The following LYPLAL1 variants were observed in gnomAD, a reference collection of about 807,000 sequenced individuals.
The protein encoded by LYPLAL1 is lysophospholipase-like protein 1.
In LYPLAL1, 23 loss-of-function variants were observed where a neutral mutation model predicts 19.7. The observed-to-expected ratio is 1.17, with a 90% CI of 0.84 to 1.65. The LOEUF is 1.65. Ranked by LOEUF, LYPLAL1 falls within the 40% of genes most tolerant of loss-of-function variation. The pLI is 0.00. For synonymous variants in LYPLAL1, 119 were observed against 96.3 expected (o/e 1.24, Z -1.38); for missense variants, 355 against 279.4 (o/e 1.27, Z -1.93).
At chr1:219,332,676 GA>G in the LYPLAL1 span, among the ~76,000 whole-genome samples, 3 of 151,938 alleles carry the variant, frequency 2.0e-5, no homozygotes, top group South Asian at 2.1e-4. Flanking sequence ...ATGATGAAGA[GA>G]AGACTTATTT....
chr1:219,184,500 A>C (rs1262355826), intron 2 of LYPLAL1, among the ~76,000 whole-genome samples: 1 of 151,916 alleles, frequency 6.6e-6, no homozygotes, highest in South Asian at 2.1e-4. Flanking sequence ...GTACAATGTT[A>C]AATAGAAGTG....
chr1:219,313,841 T>A, the LYPLAL1 span, among the ~76,000 whole-genome samples: 1 of 152,122 alleles, frequency 6.6e-6, no homozygotes, highest in Non-Finnish European at 1.5e-5. Flanking sequence ...GCCTTTAAAC[T>A]TTTATTTTAG....
intron 3 of LYPLAL1, among the ~76,000 whole-genome samples, chr1:219,208,514 C>T (rs1431414924): frequency 6.6e-6 from 1 of 151,772 alleles, no homozygotes; most frequent in African/African-American, 2.4e-5. Context: ...TCTAAAAATT[C>T]AGTTAAATTT....
chr1:219,233,568 G>A, the LYPLAL1 span, among the ~76,000 whole-genome samples: 1 of 152,164 alleles, frequency 6.6e-6, no homozygotes, highest in Non-Finnish European at 1.5e-5. Context: ...AGGAGTTCAA[G>A]ATCAACTTGG....
the LYPLAL1 span, among the ~76,000 whole-genome samples, chr1:219,252,549 T>C: frequency 6.6e-6 from 1 of 152,088 alleles, no homozygotes; most frequent in Non-Finnish European, 1.5e-5. Flanking sequence ...AAGCATGTGG[T>C]TTTTGTCTTT....
chr1:219,366,626 C>A, the LYPLAL1 span, among the ~76,000 whole-genome samples: 1 of 152,104 alleles, frequency 6.6e-6, no homozygotes, highest in Non-Finnish European at 1.5e-5. Context: ...AAAGCTTTAG[C>A]TGTGAAAACG....
chr1:219,232,088 C>T, the LYPLAL1 span, among the ~76,000 whole-genome samples: 1 of 152,128 alleles, frequency 6.6e-6, no homozygotes, highest in Non-Finnish European at 1.5e-5. Flanking sequence ...CATGTTTTCT[C>T]TTCAAATTCT....
chr1:219,384,494 A>G, the LYPLAL1 span, among the ~76,000 whole-genome samples: 1 of 152,198 alleles, frequency 6.6e-6, no homozygotes, highest in Admixed American at 6.5e-5. Flanking sequence ...CCCTCTGTTT[A>G]TATATTCTTG....
the LYPLAL1 span, among the ~76,000 whole-genome samples, chr1:219,220,325 A>G: frequency 1.8e-4 from 27 of 152,080 alleles, no homozygotes; most frequent in Non-Finnish European, 3.7e-4. Flanking sequence ...ATATCTGTTA[A>G]CCAGAATTAA....
chr1:219,281,972 A>G, the LYPLAL1 span, among the ~76,000 whole-genome samples: 3 of 152,190 alleles, frequency 2.0e-5, no homozygotes, highest in Admixed American at 6.5e-5. Context: ...TCTTACATGC[A>G]CTTGGACAGA....
At chr1:219,246,466 A>T in the LYPLAL1 span, among the ~76,000 whole-genome samples, 1 of 152,176 alleles carries the variant, frequency 6.6e-6, no homozygotes, top group Non-Finnish European at 1.5e-5. Context: ...GAAAAAAGAT[A>T]TTATTTACTG....
the LYPLAL1 span, among the ~76,000 whole-genome samples, chr1:219,385,762 C>T: frequency 7.9e-5 from 12 of 152,194 alleles, no homozygotes; most frequent in East Asian, 3.9e-4. Flanking sequence ...TGTAATTGCA[C>T]GCTGTAATTT....
the LYPLAL1 span, among the ~76,000 whole-genome samples, chr1:219,283,946 G>T: frequency 6.6e-6 from 1 of 152,158 alleles, no homozygotes; most frequent in African/African-American, 2.4e-5. Flanking sequence ...ATATGGTTTG[G>T]CTCTGTGTTC....
rs1208857246 is a variant in LYPLAL1 at position 219,211,837 on chromosome 1, C to G, written c.*109C>G. ...ATATTAAGAAATAACACTTTCCTGA[C>G]TTTTTTATTATTAAAATGCTTATCA... is the stretch of plus-strand genomic sequence containing the variant. On this transcript the variant is annotated 3_prime_UTR_variant, in exon 5 of 5. Coordinates refer to ENST00000366928, the MANE Select transcript of LYPLAL1 (RefSeq NM_138794.5). The G allele has an allele frequency of 1.4e-6, 1 of 697,278 alleles. No homozygotes were observed. Among genetic ancestry groups the G allele is most frequent in the African/African-American group, 1.8e-5 (1 of 55,200 alleles). 43.2% of individuals were successfully genotyped at this position (697,278 alleles called of 1,614,324 possible).
chr1:219,419,341 C>G, the LYPLAL1 span, among the ~76,000 whole-genome samples: 1 of 152,126 alleles, frequency 6.6e-6, no homozygotes, highest in South Asian at 2.1e-4. Flanking sequence ...CCTGTGCCAG[C>G]GATCAGGAGA....
chr1:219,311,073 T>C, the LYPLAL1 span, among the ~76,000 whole-genome samples: 1 of 152,188 alleles, frequency 6.6e-6, no homozygotes. Context: ...ACCCACCCTG[T>C]AGTCTTATTC....
chr1:219,220,226 C>T, the LYPLAL1 span, among the ~76,000 whole-genome samples: 4 of 152,116 alleles, frequency 2.6e-5, no homozygotes, highest in South Asian at 2.1e-4. Flanking sequence ...CCACATGGAC[C>T]GCTGTAGGGG....
chr1:219,300,779 C>G, the LYPLAL1 span, among the ~76,000 whole-genome samples: 1 of 152,000 alleles, frequency 6.6e-6, no homozygotes, highest in African/African-American at 2.4e-5. Context: ...TCGGGATCCG[C>G]CTGTCTCGGC....
Position 219,193,219 on chromosome 1 carries a change from A to G in LYPLAL1, c.329A>G (p.Lys110Arg), listed in dbSNP as rs778575812. 1 of 1,610,406 alleles carries G rather than the reference A, an allele frequency of 6.2e-7. No homozygotes were observed. Among genetic ancestry groups the G allele is most frequent in the East Asian group, 2.2e-5 (1 of 44,706 alleles). Residue 110 changes from lysine to arginine, a missense_variant, in exon 3 of 5, where the codon AAA becomes AGA. Lys to Arg is a conservative substitution (Grantham distance 26, BLOSUM62 2). Transcript: ENST00000366928. ...ACTGATTTGATTGATGAAGAAGTAA[A>G]AAGTGGCATCAAGAAGAACAGGATA... The part of the protein sequence containing the change: ...VLTDLIDEEV[K>R]SGIKKNRILI...
Sources: allele counts gnomAD v4.1 joint callset (sites outside exome capture counted in the v4.1 genomes callset), GRCh38; gene constraint gnomAD v4.1.1; transcripts MANE v1.5; gene names NCBI Gene and HGNC (gene_info 2026-07-23, HGNC 2026-07-21).